The following MTUS2 variants were observed in gnomAD, a reference collection of about 807,000 sequenced individuals.
MTUS2 encodes microtubule associated scaffold protein 2.
In MTUS2, 40 loss-of-function variants were observed where a neutral mutation model predicts 114.1. The ratio of observed to expected loss-of-function variants is 0.35; its 90% CI spans 0.27 to 0.46. The LOEUF (loss-of-function observed/expected upper bound fraction) is 0.46, where lower values mean the gene tolerates loss of function less well. Ranked by LOEUF, MTUS2 falls within the 20% of genes least tolerant of loss-of-function variation. The pLI, the probability that MTUS2 is intolerant of heterozygous loss-of-function variation, is 1.00. For missense variants in MTUS2, 1,679 were observed against 1,705.4 expected (o/e 0.98, Z 0.27); for synonymous variants, 688 against 672.0 (o/e 1.02, Z -0.37).
At position 28,867,076 on chromosome 13, in the gene MTUS2, T is replaced by C. The variant is rs74743804; in HGVS notation, c.-243+27226T>C. On this transcript the variant is annotated intron_variant, in intron 2 of 15. Coordinates refer to ENST00000612955, the MANE Select transcript of MTUS2 (RefSeq NM_001033602.4). Reference sequence around the variant, plus strand: ...GAAGTTTTAAATCATACTTACCCTATTTCACTGGCAGTTGGTAGACATGGA... The same window carrying C: ...GAAGTTTTAAATCATACTTACCCTACTTCACTGGCAGTTGGTAGACATGGA... Among the ~76,000 whole-genome samples, 539 of 152,244 alleles carry C rather than the reference T, an allele frequency of 3.5e-3. 5 individuals are homozygous for C. The highest frequency in any genetic ancestry group is 0.013 in the African/African-American group (529 of 41,542).
chr13:29,294,826 T>C (rs1403358159), intron 6 of MTUS2, among the ~76,000 whole-genome samples: 2 of 152,368 alleles, frequency 1.3e-5, no homozygotes, highest in African/African-American at 4.8e-5. Context: ...GCATCTTTTC[T>C]ATGTGTAAAC....
chr13:29,497,478 G>C (rs1406911076), intron 13 of MTUS2, 142 bp downstream of exon 13: 1 of 685,086 alleles, frequency 1.5e-6, no homozygotes, highest in East Asian at 2.7e-5. Context: ...ACCTCCCCTG[G>C]ATTTTTAAAC....
chr13:28,927,281 G>A (rs1168562211), intron 2 of MTUS2, among the ~76,000 whole-genome samples: 1 of 152,116 alleles, frequency 6.6e-6, no homozygotes, highest in Non-Finnish European at 1.5e-5. Context: ...ACAAAAAATA[G>A]CTTGTATTTG....
chr13:29,478,613 T>A (rs896483787), intron 9 of MTUS2, among the ~76,000 whole-genome samples: 3 of 149,898 alleles, frequency 2.0e-5, no homozygotes, highest in Non-Finnish European at 4.4e-5. Flanking sequence ...ACGGCGCTAA[T>A]CAAAAGCCAG....
intron 1 of MTUS2, among the ~76,000 whole-genome samples, chr13:28,825,338 A>G (rs1874192647): frequency 6.6e-6 from 1 of 152,226 alleles, no homozygotes; most frequent in African/African-American, 2.4e-5. Context: ...CACCCTGGGA[A>G]CAAATGGAAC....
chr13:29,041,634 A>C (rs1168490329), intron 4 of MTUS2, among the ~76,000 whole-genome samples: 1 of 152,006 alleles, frequency 6.6e-6, no homozygotes, highest in Non-Finnish European at 1.5e-5. Context: ...AGTGTTTTGT[A>C]ATTTTCCTGG....
At position 29,498,428 on chromosome 13, in the gene MTUS2, C is replaced by A; in HGVS notation, c.3689C>A (p.Ala1230Asp). 2 of 1,614,106 alleles carry A rather than the reference C, an allele frequency of 1.2e-6. No individual in the cohort carries two copies. Among genetic ancestry groups the A allele is most frequent in the Non-Finnish European group, 1.7e-6 (2 of 1,180,006 alleles). The change falls in exon 14 of 16, where the codon GCT becomes GAT. Residue 1230 changes from alanine (A) to aspartate (D), a missense_variant. Coordinates refer to ENST00000612955, the MANE Select transcript of MTUS2 (RefSeq NM_001033602.4). ...NTEEQLEIAL[A>D]PYQHLEEDMK... ...TCTCTGCCTCTGTAGATTGCATTGG[C>A]TCCTTATCAGCACTTGGAAGAAGAC... is the stretch of plus-strand genomic sequence containing the variant.
intron 7 of MTUS2, among the ~76,000 whole-genome samples, chr13:29,347,543 C>T (rs1868817546): frequency 6.6e-6 from 1 of 151,896 alleles, no homozygotes. Flanking sequence ...AAAAAAAACC[C>T]TATTCCTCTC....
chr13:29,456,908 C>A (rs984110686), intron 9 of MTUS2, among the ~76,000 whole-genome samples: 2 of 151,860 alleles, frequency 1.3e-5, no homozygotes, highest in African/African-American at 4.8e-5. Context: ...GAGGCTGAGG[C>A]GGGCGAATCA....
chr13:29,024,921 C>T lies in MTUS2; in HGVS notation c.223C>T (p.His75Tyr), dbSNP rs747946230. ...SSEPENRTHFHKEFHQLQGFG... is the reference protein window; with the variant it reads ...SSEPENRTHFYKEFHQLQGFG... ...TGAGCCAGAAAACCGTACCCATTTC[C>T]ATAAGGAATTTCACCAACTTCAGGG... The change falls in exon 3 of 16, where the codon CAT becomes TAT. Residue 75 changes from histidine (H) to tyrosine (Y), a missense_variant. Physicochemically the swap from His to Tyr is moderately conservative, Grantham distance 83. Around this residue, in one of 3 missense-constraint regions of MTUS2, gnomAD observed 843 missense variants for 770.8 expected, o/e 1.09. Coordinates refer to ENST00000612955, the MANE Select transcript of MTUS2 (RefSeq NM_001033602.4). 1.2e-6 allele frequency: 2 copies of T among 1,613,834 alleles called. No individual in the cohort carries two copies. Among genetic ancestry groups the T allele is most frequent in the South Asian group, 1.1e-5 (1 of 91,064 alleles).
In MTUS2 at chr13:28,924,443, C is replaced by T. The variant is rs1334441130; in HGVS notation, c.-243+84593C>T. On this transcript the variant is annotated intron_variant, in intron 2 of 15. Coordinates refer to ENST00000612955, the MANE Select transcript of MTUS2 (RefSeq NM_001033602.4). The stretch of plus-strand genomic sequence containing the variant: ...ATCCTGCAATCAAGCAGTATCCTCC[C>T]GCTCTTGAGTACAGATGTACAGTGC... Among the ~76,000 whole-genome samples, 7 of 152,294 alleles carry T rather than the reference C, an allele frequency of 4.6e-5. No homozygotes were observed. The South Asian group carries it at 6.2e-4, about 14-fold the overall frequency.
chr13:28,858,698 G>A (rs1431699647), intron 2 of MTUS2, among the ~76,000 whole-genome samples: 1 of 152,184 alleles, frequency 6.6e-6, no homozygotes, highest in African/African-American at 2.4e-5. Context: ...GGAATATGAA[G>A]GAGGAACCCC....
chr13:28,824,082 A>G (rs7337334), intron 1 of MTUS2, among the ~76,000 whole-genome samples: 80,948 of 152,012 alleles, frequency 0.53, 22,474 homozygotes, highest in African/African-American at 0.63. Context: ...ATAACATGGC[A>G]TCTAGCAGCC....
chr13:28,888,510 C>T (rs937361235), intron 2 of MTUS2, among the ~76,000 whole-genome samples: 1 of 151,560 alleles, frequency 6.6e-6, no homozygotes, highest in Admixed American at 6.6e-5. Flanking sequence ...CAAACTTTGC[C>T]TCCTGGGTTC....
intron 5 of MTUS2, among the ~76,000 whole-genome samples, chr13:29,269,887 A>G (rs1394737498): frequency 2.6e-5 from 4 of 152,226 alleles, no homozygotes; most frequent in African/African-American, 9.6e-5. Context: ...AAAAGAAGAG[A>G]AATCTGCCAT....
At chr13:28,866,052 G>T (rs1031885307) in intron 2 of MTUS2, among the ~76,000 whole-genome samples, 1 of 152,124 alleles carries the variant, frequency 6.6e-6, no homozygotes, top group Non-Finnish European at 1.5e-5. Flanking sequence ...TCATACTTGG[G>T]GGAGGGCTGT....
chr13:29,465,887 G>C (rs895375602), intron 9 of MTUS2, among the ~76,000 whole-genome samples: 1 of 152,234 alleles, frequency 6.6e-6, no homozygotes, highest in African/African-American at 2.4e-5. Flanking sequence ...CAGTCTGCCT[G>C]CTGGCAGGAA....
chr13:29,459,266 T>C (rs546188858), intron 9 of MTUS2, among the ~76,000 whole-genome samples: 10 of 152,304 alleles, frequency 6.6e-5, no homozygotes, highest in African/African-American at 2.4e-4. Flanking sequence ...CACAACTTTG[T>C]GGCTCAGTTA....
intron 4 of MTUS2, among the ~76,000 whole-genome samples, chr13:29,081,780 GTTTTGTT>G (rs1889454851): frequency 7.5e-6 from 1 of 133,780 alleles, no homozygotes; most frequent in African/African-American, 2.8e-5. Context: ...GTTTTGTTTT[GTTTTGTT>G]TTGTTTTTGT....
Sources: allele counts gnomAD v4.1 joint callset (sites outside exome capture counted in the v4.1 genomes callset), GRCh38; gene constraint gnomAD v4.1.1; regional missense constraint gnomAD v4.1.1; transcripts MANE v1.5; gene names NCBI Gene and HGNC (gene_info 2026-07-23, HGNC 2026-07-21).